Variants in CD8B observed in about 807,000 individuals in gnomAD.
CD8B encodes CD8 subunit beta.
A neutral mutation model predicts 24.2 loss-of-function variants in CD8B; 6 were observed. The observed-to-expected ratio is 0.25, with a 90% CI of 0.14 to 0.49. The LOEUF (loss-of-function observed/expected upper bound fraction) is 0.49. Ranked by LOEUF, CD8B falls within the 20% of genes least tolerant of loss-of-function variation. The pLI is 0.98. For missense variants in CD8B, 196 were observed against 271.3 expected (o/e 0.72, Z 1.95); for synonymous variants, 84 against 108.3 (o/e 0.78, Z 1.39).
intron 5 of CD8B, among the ~76,000 whole-genome samples, chr2:86,826,195 G>C (rs759884831): frequency 6.6e-6 from 1 of 152,020 alleles, no homozygotes; most frequent in Non-Finnish European, 1.5e-5. Context: ...CTCTGCCCCG[G>C]TTGTCAGAGG....
At chr2:86,860,771 C>T (rs1207431077) in intron 1 of CD8B, among the ~76,000 whole-genome samples, 1 of 152,204 alleles carries the variant, frequency 6.6e-6, no homozygotes. Flanking sequence ...AACCCAGAAG[C>T]GACTCCTGTA....
intron 5 of CD8B, among the ~76,000 whole-genome samples, chr2:86,828,290 C>T (rs1198473804): frequency 4.6e-5 from 7 of 151,298 alleles, no homozygotes; most frequent in Admixed American, 4.6e-4. Flanking sequence ...CAAAATTTCT[C>T]TACAAATAAC....
chr2:86,826,875 G>A (rs1223640938), intron 5 of CD8B, among the ~76,000 whole-genome samples: 1 of 150,592 alleles, frequency 6.6e-6, no homozygotes, highest in African/African-American at 2.5e-5. Context: ...AGGCTGGAGT[G>A]CAGTGGCATG....
At chr2:86,848,705 T>A (rs12617070) in intron 3 of CD8B, among the ~76,000 whole-genome samples, 2,484 of 31,924 alleles carry the variant, frequency 0.078, 228 homozygotes, top group African/African-American at 0.12. Context: ...TTTTAAATTA[T>A]TTATTTATTT....
At chr2:86,824,239 C>G (rs1674591310) in intron 5 of CD8B, among the ~76,000 whole-genome samples, 1 of 152,068 alleles carries the variant, frequency 6.6e-6, no homozygotes, top group African/African-American at 2.4e-5. Context: ...CCTTCTGGGC[C>G]AGGTACTGTG....
intron 3 of CD8B, among the ~76,000 whole-genome samples, chr2:86,848,425 T>C (rs1198862676): frequency 6.6e-6 from 1 of 152,196 alleles, no homozygotes. Context: ...GTCCATTTTG[T>C]GTGCTATTTA....
At chr2:86,832,915 GTCTCC>G (rs1299082686) in intron 5 of CD8B, 25 of 186,476 alleles carry the variant, frequency 1.3e-4, no homozygotes, top group South Asian at 3.1e-4. Context: ...GTCAGCACTG[GTCTCC>G]TCTCCTCTCC....
At chr2:86,834,375 C>A (rs1675081978), downstream of CD8B, among the ~76,000 whole-genome samples, 2 of 152,168 alleles carry the variant, frequency 1.3e-5, no homozygotes, top group African/African-American at 4.8e-5. Flanking sequence ...TATGCTTAAC[C>A]ATGCCAGGGT....
chr2:86,815,859 T>C (rs1674222633), intron 5 of CD8B: 8 of 658,646 alleles, frequency 1.2e-5, no homozygotes, highest in Non-Finnish European at 2.2e-5. Flanking sequence ...GAGCCAGGCA[T>C]ATAGCACTTG....
At chr2:86,829,472 G>A (rs1284698663) in intron 5 of CD8B, among the ~76,000 whole-genome samples, 1 of 152,046 alleles carries the variant, frequency 6.6e-6, no homozygotes, top group Non-Finnish European at 1.5e-5. Context: ...AGTCAGGCTG[G>A]GGGGAGTCAG....
chr2:86,833,121 A>G, intron 5 of CD8B: 1 of 305,970 alleles, frequency 3.3e-6, no homozygotes, highest in Non-Finnish European at 6.6e-6. Flanking sequence ...AAAAAAGGAT[A>G]GTTTAAATAA....
chr2:86,846,911 G>A (rs1675708170), intron 3 of CD8B, 138 bp from the exon 4 acceptor site: 2 of 200,760 alleles, frequency 1.0e-5, no homozygotes, highest in Non-Finnish European at 2.1e-5. Context: ...TCGATGTAAT[G>A]TATTTTTCCT....
chr2:86,817,590 T>C (rs4832316), intron 5 of CD8B, among the ~76,000 whole-genome samples: 69,638 of 151,962 alleles, frequency 0.46, 17,172 homozygotes, highest in East Asian at 0.8. Context: ...TTCATTATTA[T>C]GTCATTGTTT....
Position 86,844,706 on chromosome 2 carries a change from C to G in CD8B, c.620+216G>C, listed in dbSNP as rs533104573. The G allele has an allele frequency of 8.1e-6, 12 of 1,484,880 alleles. No homozygotes were observed. The South Asian group carries it at 1.5e-4, about 18-fold the overall frequency. The allele number at this position is 1,484,880 out of a possible 1,614,324, so 92.0% of individuals were successfully genotyped here. A position where few individuals can be genotyped will look rare whatever the true frequency, so the allele number is the denominator to read the frequency against. The stretch of plus-strand genomic sequence containing the variant: ...TGCCCAGGCTGGAGTGCAGTGGTAC[C>G]ATCATAGCTCACTGCAGCCTTGAAC... On this transcript the variant is annotated intron_variant, in intron 5 of 5. Transcript: ENST00000390655.
chr2:86,860,412 C>T (rs1490730862), intron 1 of CD8B, among the ~76,000 whole-genome samples: 2 of 152,234 alleles, frequency 1.3e-5, no homozygotes, highest in African/African-American at 2.4e-5. Flanking sequence ...TTTTTCCTTG[C>T]TTTGGGTCAC....
intron 2 of CD8B, among the ~76,000 whole-genome samples, chr2:86,856,255 G>A (rs1328441712): frequency 6.6e-6 from 1 of 152,162 alleles, no homozygotes; most frequent in Non-Finnish European, 1.5e-5. Flanking sequence ...TGGGATGGAG[G>A]CGGTGGGAAG....
At chr2:86,834,132 T>G (rs557404749), downstream of CD8B, among the ~76,000 whole-genome samples, 1 of 152,262 alleles carries the variant, frequency 6.6e-6, no homozygotes, top group Middle Eastern at 3.4e-3. Context: ...GCTTCTACTT[T>G]CCCGGGGACC....
At position 86,853,161 on chromosome 2, in the gene CD8B, T is replaced by C; in HGVS notation, c.404-75A>G. The C allele has an allele frequency of 3.2e-6, 5 of 1,548,994 alleles. 1 individual carries two copies. The South Asian group carries it at 3.6e-5, about 11-fold the overall frequency. ...GACTCAAAGACAAAACTTTGTCTTA[T>C]GGCGGGTGCGGTGGCTCATGCCTGG... On this transcript the variant is annotated intron_variant, in intron 2 of 5. Transcript: ENST00000390655.
chr2:86,826,518 G>A (rs1674693993), intron 5 of CD8B, among the ~76,000 whole-genome samples: 2 of 152,138 alleles, frequency 1.3e-5, no homozygotes, highest in African/African-American at 4.8e-5. Context: ...GACCCAGGAA[G>A]GGTGGCCATG....
Sources: gnomAD v4.1 joint callset for allele counts (sites outside exome capture counted in the v4.1 genomes callset) on GRCh38, gnomAD v4.1.1 for gene constraint, MANE v1.5 for transcripts, NCBI Gene and HGNC (gene_info 2026-07-23, HGNC 2026-07-21) for gene names.